Variants in NARS2 observed in about 807,000 individuals in gnomAD.
The protein encoded by NARS2 is asparaginyl-tRNA synthetase 2, mitochondrial.
Under a neutral mutation model 62.9 loss-of-function variants are expected in NARS2, and 60 were observed. The observed-to-expected ratio is 0.95, with a 90% CI of 0.77 to 1.18. The LOEUF (loss-of-function observed/expected upper bound fraction) is 1.18, where lower values mean the gene tolerates loss of function less well. Among genes scored for constraint, NARS2 ranks in the 50% most tolerant of loss-of-function variants. The probability of loss-of-function intolerance (pLI) is 0.00; values close to 1 mark genes in which losing one functional copy is unlikely to be tolerated. For synonymous variants in NARS2, 196 were observed against 200.0 expected, an observed-to-expected ratio of 0.98 and a Z score of 0.17; for missense variants, 619 against 576.4, an observed-to-expected ratio of 1.07 and a Z score of -0.76.
intron 5 of NARS2, among the ~76,000 whole-genome samples, chr11:78,534,801 T>C (rs768473905): frequency 6.6e-6 from 1 of 152,084 alleles, no homozygotes; most frequent in South Asian, 2.1e-4. Flanking sequence ...GACCTGGAAA[T>C]ATGGGAGATA....
chr11:78,515,660 G>A (rs1860879607), intron 6 of NARS2, among the ~76,000 whole-genome samples: 1 of 151,782 alleles, frequency 6.6e-6, no homozygotes, highest in African/African-American at 2.4e-5. Flanking sequence ...TGGGACTACA[G>A]GGGTGCACCA....
At chr11:78,532,930 G>A (rs1255401945) in intron 5 of NARS2, among the ~76,000 whole-genome samples, 1 of 152,124 alleles carries the variant, frequency 6.6e-6, no homozygotes, top group East Asian at 1.9e-4. Context: ...TATAAGTGAA[G>A]CCTCAGCTTC....
intron 5 of NARS2, among the ~76,000 whole-genome samples, chr11:78,554,860 G>A (rs1432324443): frequency 1.3e-5 from 2 of 152,220 alleles, no homozygotes; most frequent in African/African-American, 2.4e-5. Flanking sequence ...CAAGGGGAAT[G>A]CTTCCAGCTT....
chr11:78,462,422 T>C (rs751671421), intron 11 of NARS2, among the ~76,000 whole-genome samples: 4 of 152,210 alleles, frequency 2.6e-5, no homozygotes, highest in Non-Finnish European at 4.4e-5. Context: ...TAGTTTTGGA[T>C]GATTTTGTGT....
intron 11 of NARS2, among the ~76,000 whole-genome samples, chr11:78,449,372 C>T (rs1042471515): frequency 1.3e-5 from 2 of 151,690 alleles, no homozygotes; most frequent in African/African-American, 4.8e-5. Context: ...CTCCTGACCT[C>T]GTGATCCGCC....
chr11:78,511,721 GA>G (rs34758500), intron 6 of NARS2, among the ~76,000 whole-genome samples: 101,847 of 141,756 alleles, frequency 0.72, 36,398 homozygotes, highest in Non-Finnish European at 0.81. Flanking sequence ...CGTCTCCAAA[GA>G]AAAAAAAAAA....
At chr11:78,457,690 G>C (rs778818740) in intron 11 of NARS2, among the ~76,000 whole-genome samples, 1 of 152,108 alleles carries the variant, frequency 6.6e-6, no homozygotes, top group Non-Finnish European at 1.5e-5. Context: ...CATTACTAGA[G>C]AGACTGTGTC....
intron 4 of NARS2, among the ~76,000 whole-genome samples, chr11:78,565,378 C>T (rs1590872911): frequency 6.6e-6 from 1 of 152,222 alleles, no homozygotes; most frequent in East Asian, 1.9e-4. Context: ...CCTCATGAAA[C>T]AATAGTTTTC....
chr11:78,566,095 T>G, intron 4 of NARS2, 37 bp downstream of exon 4: 1 of 1,532,972 alleles, frequency 6.5e-7, no homozygotes, highest in Non-Finnish European at 8.8e-7. Flanking sequence ...TTATTAAAAC[T>G]GTTTAAAGGG....
intron 1 of NARS2, among the ~76,000 whole-genome samples, chr11:78,572,493 CTAT>C (rs889527475): frequency 3.3e-5 from 5 of 152,190 alleles, no homozygotes; most frequent in Admixed American, 1.3e-4. Flanking sequence ...TTCTGGGATG[CTAT>C]TATAATTCTG....
chr11:78,527,235 G>A (rs1273111996), intron 6 of NARS2, among the ~76,000 whole-genome samples: 1 of 152,084 alleles, frequency 6.6e-6, no homozygotes, highest in Non-Finnish European at 1.5e-5. Flanking sequence ...GATGCTCTTT[G>A]AAACAGTTTT....
chr11:78,483,474 G>A (rs1048555858), intron 7 of NARS2, among the ~76,000 whole-genome samples: 1 of 152,180 alleles, frequency 6.6e-6, no homozygotes, highest in Non-Finnish European at 1.5e-5. Flanking sequence ...TGACATGATT[G>A]TATATTTAGA....
rs372617585 is a variant in NARS2 at position 78,502,598 on chromosome 11, G to A, written c.690-9403C>T. On this transcript the variant is annotated intron_variant, in intron 6 of 13. Transcript: ENST00000281038. ...TACGGGTATGGGCCTTCCTTTTGGG[G>A]TGACGGAAATGTTCTGGAACTAGAC... Among the ~76,000 whole-genome samples the A allele has an allele frequency of 7.2e-5, 11 of 152,322 alleles. No homozygotes were observed. In the East Asian group the frequency reaches 1.9e-3, roughly 27 times the overall value.
chr11:78,445,397 G>A (rs1432675962), intron 11 of NARS2, among the ~76,000 whole-genome samples: 2 of 152,188 alleles, frequency 1.3e-5, no homozygotes, highest in Non-Finnish European at 2.9e-5. Context: ...GAGGTGGGCG[G>A]ATCACCTGAG....
intron 5 of NARS2, among the ~76,000 whole-genome samples, chr11:78,534,892 T>G (rs1336227273): frequency 6.6e-6 from 1 of 152,118 alleles, no homozygotes; most frequent in Non-Finnish European, 1.5e-5. Context: ...CCTTGGGAAT[T>G]AAGGAATAAT....
At chr11:78,547,525 A>T (rs1200869700) in intron 5 of NARS2, among the ~76,000 whole-genome samples, 1 of 152,194 alleles carries the variant, frequency 6.6e-6, no homozygotes, top group Non-Finnish European at 1.5e-5. Flanking sequence ...AGAGGTACTG[A>T]TACGTGAACA....
chr11:78,501,749 C>T (rs1860290747), intron 6 of NARS2, among the ~76,000 whole-genome samples: 1 of 152,098 alleles, frequency 6.6e-6, no homozygotes, highest in Non-Finnish European at 1.5e-5. Flanking sequence ...TTGGTGTAAA[C>T]GTGAAATTGT....
At chr11:78,549,912 GC>G (rs1460111008) in intron 5 of NARS2, among the ~76,000 whole-genome samples, 3 of 152,048 alleles carry the variant, frequency 2.0e-5, no homozygotes, top group African/African-American at 7.3e-5. Flanking sequence ...CCTCCTACAG[GC>G]CCAACAACAA....
chr11:78,476,921 A>C (rs1859124441), intron 9 of NARS2, among the ~76,000 whole-genome samples: 1 of 152,196 alleles, frequency 6.6e-6, no homozygotes, highest in Non-Finnish European at 1.5e-5. Context: ...AATCAGATGA[A>C]CATGAGCTTG....
Sources: allele counts gnomAD v4.1 joint callset (sites outside exome capture counted in the v4.1 genomes callset), GRCh38; gene constraint gnomAD v4.1.1; transcripts MANE v1.5; gene names NCBI Gene and HGNC (gene_info 2026-07-23, HGNC 2026-07-21).